The following RYR2 variants were observed in gnomAD, a reference collection of about 807,000 sequenced individuals.
RYR2 encodes cardiac muscle ryanodine receptor-calcium release channel.
A neutral mutation model predicts 601.1 loss-of-function variants in RYR2; 227 were observed. That is an observed-to-expected ratio of 0.38 (90% CI 0.34 to 0.42). The LOEUF is 0.42. Among genes scored for constraint, RYR2 ranks in the 10% least tolerant of loss-of-function variants. The probability of loss-of-function intolerance (pLI) is 1.00; values close to 1 mark genes in which losing one functional copy is unlikely to be tolerated. For synonymous variants in RYR2, 2,223 were observed against 2,175.1 expected (o/e 1.02, Z -0.61); for missense variants, 4,646 against 6,156.5 (o/e 0.75, Z 8.21).
At chr1:237,371,199 A>G (rs1156931758) in intron 6 of RYR2, among the ~76,000 whole-genome samples, 3 of 152,058 alleles carry the variant, frequency 2.0e-5, no homozygotes, top group Non-Finnish European at 4.4e-5. Flanking sequence ...GCTGTCACCC[A>G]GGCTGAGGTG....
In RYR2 at chr1:237,633,485, G is replaced by A. The variant is rs576749315; in HGVS notation, c.6556-93G>A. On this transcript the variant is annotated intron_variant, in intron 42 of 104. Coordinates refer to ENST00000366574, the MANE Select transcript of RYR2 (RefSeq NM_001035.3). ...AAGTTTGGCACACACATGGACACACGGGGATTGACGATGTGATTGAGACCT... is the reference window on the plus strand; with the variant it reads ...AAGTTTGGCACACACATGGACACACAGGGATTGACGATGTGATTGAGACCT... The A allele has an allele frequency of 4.6e-5, 68 of 1,469,508 alleles. 1 individual carries two copies. Among genetic ancestry groups the A allele is most frequent in the South Asian group, 1.8e-4 (15 of 82,988 alleles). The allele number at this position is 1,469,508 out of a possible 1,614,324, so 91.0% of individuals were successfully genotyped here.
At chr1:237,314,189 C>A (rs1041707093) in intron 2 of RYR2, among the ~76,000 whole-genome samples, 2 of 151,696 alleles carry the variant, frequency 1.3e-5, no homozygotes, top group South Asian at 2.1e-4. Context: ...CTCAGCCTCC[C>A]GAGTAGCTGG....
chr1:237,506,354 G>A (rs1016538975), intron 22 of RYR2, among the ~76,000 whole-genome samples: 8 of 152,110 alleles, frequency 5.3e-5, no homozygotes, highest in East Asian at 1.9e-4. Flanking sequence ...TGGCTAACAC[G>A]GTGAAACCCC....
intron 56 of RYR2, among the ~76,000 whole-genome samples, chr1:237,663,129 A>G (rs1683962555): frequency 6.6e-6 from 1 of 152,246 alleles, no homozygotes; most frequent in Admixed American, 6.5e-5. Context: ...AAGTCTATTT[A>G]TAACTTGCCA....
In RYR2 at chr1:237,832,386, G is replaced by C. The variant is rs545168462; in HGVS notation, c.14809-166G>C. On this transcript the variant is annotated intron_variant, in intron 104 of 104. Transcript: ENST00000366574. ...TTATCATTATAATGGTCAGGATGAA[G>C]ATTATTATGAGACGTTAAGGTCTGG... 7.2e-5 allele frequency among the ~76,000 whole-genome samples: 11 copies of C among 152,184 alleles called. 1 individual carries two copies. In the South Asian group the frequency reaches 1.7e-3, roughly 23 times the overall value.
At chr1:237,315,740 T>A (rs7516997) in intron 2 of RYR2, among the ~76,000 whole-genome samples, 13,722 of 152,132 alleles carry the variant, frequency 0.09, 1,212 homozygotes, top group African/African-American at 0.23. Context: ...CATGGATGAG[T>A]CCATATCTGA....
At chr1:237,484,323 T>C (rs1452770719) in intron 17 of RYR2, among the ~76,000 whole-genome samples, 1 of 152,160 alleles carries the variant, frequency 6.6e-6, no homozygotes, top group Non-Finnish European at 1.5e-5. Flanking sequence ...CTGTGTTTTA[T>C]TTTTGCAAAA....
rs78878961 is a variant in RYR2 at position 237,376,484 on chromosome 1, A to G, written c.464-839A>G. 1.3e-3 allele frequency among the ~76,000 whole-genome samples: 198 copies of G among 151,244 alleles called. 1 individual carries two copies. The highest frequency in any genetic ancestry group is 4.7e-3 in the African/African-American group (192 of 40,948). On this transcript the variant is annotated intron_variant, in intron 7 of 104. Coordinates refer to ENST00000366574, the MANE Select transcript of RYR2 (RefSeq NM_001035.3). ...AAAAAAAGAGTTATGGAAACACCAT[A>G]AAGTTGAGTGAAGGTAAAGAATGGT...
intron 23 of RYR2, among the ~76,000 whole-genome samples, chr1:237,508,800 T>C (rs944597265): frequency 1.5e-5 from 2 of 129,856 alleles, no homozygotes; most frequent in African/African-American, 5.5e-5. Context: ...TGGAGTGCAG[T>C]GGCGGGATCT....
intron 12 of RYR2, among the ~76,000 whole-genome samples, chr1:237,429,158 A>G (rs975102883): frequency 1.3e-5 from 2 of 152,142 alleles, no homozygotes; most frequent in African/African-American, 4.8e-5. Context: ...GGCTTTTTAA[A>G]TAAAAGAATT....
chr1:237,288,383 T>A (rs781652038), intron 2 of RYR2, among the ~76,000 whole-genome samples: 4 of 152,048 alleles, frequency 2.6e-5, no homozygotes, highest in Non-Finnish European at 5.9e-5. Flanking sequence ...CCCAAGATTA[T>A]ATGTCCTTTG....
intron 32 of RYR2, among the ~76,000 whole-genome samples, 155 bp from the exon 33 acceptor site, chr1:237,593,321 T>C (rs1373513752): frequency 6.6e-6 from 1 of 152,224 alleles, no homozygotes; most frequent in East Asian, 1.9e-4. Context: ...GTGTTAGTCC[T>C]TTGTGCCTAC....
chr1:237,105,630 G>A (rs1427668923), intron 1 of RYR2, among the ~76,000 whole-genome samples: 1 of 152,020 alleles, frequency 6.6e-6, no homozygotes, highest in Non-Finnish European at 1.5e-5. Flanking sequence ...TCAGGAGATC[G>A]AGACCAGCCT....
chr1:237,651,428 T>A lies in RYR2; in HGVS notation c.7751T>A (p.Met2584Lys), dbSNP rs775886688. 6.3e-7 allele frequency: 1 copy of A among 1,595,888 alleles called. No individual in the cohort carries two copies. The highest frequency in any genetic ancestry group is 8.5e-7 in the Non-Finnish European group (1 of 1,170,140). ...TCCAACAGACAACTGAGACCTTCTA[T>A]GATGCAGCACTTACTCAGAAGATTA... The part of the protein sequence containing the change: ...LSICGQLRPS[M>K]MQHLLRRLVF... The change falls in exon 51 of 105, where the codon ATG (methionine) becomes AAG (lysine). Residue 2584 changes from methionine to lysine, a missense_variant. Around this residue, in one of 17 missense-constraint regions of RYR2, gnomAD observed 1,497 missense variants for 1,842.6 expected, o/e 0.81. Coordinates refer to ENST00000366574, the MANE Select transcript of RYR2 (RefSeq NM_001035.3).
chr1:237,467,858 CTTT>C (rs199646421), intron 16 of RYR2, among the ~76,000 whole-genome samples: 15 of 123,582 alleles, frequency 1.2e-4, no homozygotes, highest in African/African-American at 1.2e-4. Context: ...ATTTTCTCTG[CTTT>C]TTTTTTTTTT....
intron 37 of RYR2, among the ~76,000 whole-genome samples, chr1:237,616,460 A>T (rs1678481127): frequency 6.6e-6 from 1 of 152,148 alleles, no homozygotes; most frequent in Non-Finnish European, 1.5e-5. Context: ...CAGTTCAATG[A>T]TCTCATCCAT....
chr1:237,784,301 A>G lies in RYR2; in HGVS notation c.12589A>G (p.Ile4197Val), dbSNP rs765238394. 28 of 1,613,936 alleles carry G rather than the reference A, an allele frequency of 1.7e-5. No homozygotes were observed. Among genetic ancestry groups the G allele is most frequent in the Non-Finnish European group, 2.3e-5 (27 of 1,179,874 alleles). ...CTTTGTGAACTTCTGCGAGGACACC[A>G]TCTTTGAAATGCAGCTGGCGGCTCA... ...ELFVNFCEDT[I>V]FEMQLAAQIS... is the part of the protein sequence containing the mutation. The change falls in exon 90 of 105, where the codon ATC (isoleucine) becomes GTC (valine). Residue 4197 changes from isoleucine to valine, a missense_variant. Around this residue, in one of 17 missense-constraint regions of RYR2, gnomAD observed 70 missense variants for 164.6 expected, o/e 0.43. Coordinates refer to ENST00000366574, the MANE Select transcript of RYR2 (RefSeq NM_001035.3). This position sits in a 1 kb window ranked among gnomAD's most constrained non-coding sequence, Gnocchi z 7.1.
chr1:237,567,415 CAAAAAA>C (rs3057438), intron 28 of RYR2, among the ~76,000 whole-genome samples: 1 of 112,020 alleles, frequency 8.9e-6, no homozygotes, highest in African/African-American at 3.5e-5. Flanking sequence ...CCTGTCTCTA[CAAAAAA>C]AAAAAAAAAA....
intron 86 of RYR2, 41 bp downstream of exon 86, chr1:237,772,141 G>A (rs563888998): frequency 2.7e-6 from 3 of 1,111,704 alleles, no homozygotes; most frequent in South Asian, 2.7e-5. Flanking sequence ...AAAAGGGTTG[G>A]TATGTTGAAA....
Sources: allele counts gnomAD v4.1 joint callset (sites outside exome capture counted in the v4.1 genomes callset), GRCh38; gene constraint gnomAD v4.1.1; regional missense constraint gnomAD v4.1.1; non-coding constraint Gnocchi (gnomAD v3.1); transcripts MANE v1.5; gene names NCBI Gene and HGNC (gene_info 2026-07-23, HGNC 2026-07-21).